BCL2L13: variants seen among roughly 807,000 people sequenced by gnomAD.
BCL2L13 encodes the protein BCL2 like 13, also known as bcl-2-like protein 13.
In BCL2L13, 13 loss-of-function variants were observed where a neutral mutation model predicts 25.8. The observed-to-expected ratio is 0.50, with a 90% CI of 0.33 to 0.80. The LOEUF is 0.80. BCL2L13 is among the 30% of genes least tolerant of loss of function. The pLI is 0.02. For synonymous variants in BCL2L13, 244 were observed against 230.3 expected, an observed-to-expected ratio of 1.06 and a Z score of -0.54; for missense variants, 504 against 574.9, an observed-to-expected ratio of 0.88 and a Z score of 1.26.
chr22:17,713,429 A>G (rs1204851964), intron 6 of BCL2L13, among the ~76,000 whole-genome samples: 1 of 151,918 alleles, frequency 6.6e-6, no homozygotes, highest in African/African-American at 2.4e-5. Flanking sequence ...GGCACATTCC[A>G]ATAAATAAAC....
chr22:17,710,602 AAAAT>A (rs2060724913), intron 6 of BCL2L13, among the ~76,000 whole-genome samples: 1 of 151,348 alleles, frequency 6.6e-6, no homozygotes, highest in Non-Finnish European at 1.5e-5. Context: ...ATAAAAATAA[AAAAT>A]AAATAAATGC....
At chr22:17,726,620 G>GT in intron 6 of BCL2L13, 57 bp from the exon 7 acceptor site, 1 of 1,549,322 alleles carries the variant, frequency 6.5e-7, no homozygotes, top group Non-Finnish European at 8.7e-7. Flanking sequence ...CCAGATTGAT[G>GT]TTTATGTTTT....
In BCL2L13 at chr22:17,638,777, C is replaced by CGGT; in HGVS notation, c.-159_-157dup. The CGGT allele has an allele frequency of 8.1e-7, 1 of 1,231,688 alleles. No individual in the cohort carries two copies. Among genetic ancestry groups the CGGT allele is most frequent in the Non-Finnish European group, 1.0e-6 (1 of 987,948 alleles). The allele number at this position is 1,231,688 out of a possible 1,614,324, so 76.3% of individuals were successfully genotyped here. A position where few individuals can be genotyped will look rare whatever the true frequency, so the allele number is the denominator to read the frequency against. On this transcript the variant is annotated 5_prime_UTR_variant, in exon 1 of 7. Transcript: ENST00000317582. ...ACCTCACCCTCCAACATGGCGGCGG[C>CGGT]GGTAGATTAGGGCCGCGGGTCGGAG...
intron 1 of BCL2L13, among the ~76,000 whole-genome samples, chr22:17,644,198 C>G (rs2058391306): frequency 1.3e-5 from 2 of 151,418 alleles, no homozygotes; most frequent in African/African-American, 4.9e-5. Flanking sequence ...GCATGAGCAA[C>G]TTTGCCTGGT....
At position 17,680,960 on chromosome 22, in the gene BCL2L13, G is replaced by A. The variant is rs573415118; in HGVS notation, c.122-2254G>A. Among the ~76,000 whole-genome samples the A allele has an allele frequency of 1.3e-4, 20 of 152,134 alleles. No homozygotes were observed. The South Asian group carries it at 4.1e-3, about 32-fold the overall frequency. On this transcript the variant is annotated intron_variant, in intron 2 of 6. Transcript: ENST00000317582. ...TGGGATGGCGCTGTAGGGTGTGGCG[G>A]TCACTGAGAACGTATGGAAAAACAC... is the stretch of plus-strand genomic sequence containing the variant.
At chr22:17,715,336 C>T (rs1208901757) in intron 6 of BCL2L13, among the ~76,000 whole-genome samples, 1 of 149,262 alleles carries the variant, frequency 6.7e-6, no homozygotes, top group East Asian at 2.0e-4. Flanking sequence ...CATGCGCAAC[C>T]ACTCCCGGCC....
chr22:17,640,353 G>A (rs1328921192), intron 1 of BCL2L13, among the ~76,000 whole-genome samples: 1 of 152,058 alleles, frequency 6.6e-6, no homozygotes, highest in South Asian at 2.1e-4. Flanking sequence ...AGTATATTCA[G>A]TAGTTGGATT....
At position 17,638,817 on chromosome 22, in the gene BCL2L13, G is replaced by A. The variant is rs2058160089; in HGVS notation, c.-120G>A. The A allele has an allele frequency of 8.1e-7, 1 of 1,232,020 alleles. No individual in the cohort carries two copies. The highest frequency in any genetic ancestry group is 3.2e-5 in the East Asian group (1 of 31,706). 76.3% of individuals were successfully genotyped at this position (1,232,020 alleles called of 1,614,324 possible). ...GCGGGTCGGAGCACTCACCGCCGCT[G>A]GGGGACCCTGTCGGAAGCAACTGCC... On this transcript the variant is annotated 5_prime_UTR_variant, in exon 1 of 7. Coordinates refer to ENST00000317582, the MANE Select transcript of BCL2L13 (RefSeq NM_015367.4).
chr22:17,654,799 G>A (rs949659206), intron 1 of BCL2L13, among the ~76,000 whole-genome samples: 3 of 151,876 alleles, frequency 2.0e-5, no homozygotes, highest in Non-Finnish European at 1.5e-5. Flanking sequence ...ATAACTCACT[G>A]CAGTCTTGAC....
intron 1 of BCL2L13, 55 bp from the exon 2 acceptor site, chr22:17,655,607 G>A: frequency 7.1e-7 from 1 of 1,401,232 alleles, no homozygotes; most frequent in Non-Finnish European, 9.6e-7. Flanking sequence ...TGAAACAACT[G>A]TTAAAGTGGC....
At chr22:17,716,200 A>G (rs776676130) in intron 6 of BCL2L13, among the ~76,000 whole-genome samples, 12 of 152,222 alleles carry the variant, frequency 7.9e-5, no homozygotes, top group African/African-American at 1.9e-4. Flanking sequence ...GATTAAGTAC[A>G]GTGGAACTTA....
At chr22:17,634,691 C>G (rs554527025), upstream of BCL2L13, among the ~76,000 whole-genome samples, 62 of 152,230 alleles carry the variant, frequency 4.1e-4, no homozygotes, top group African/African-American at 1.4e-3. Context: ...ACCTGTAATC[C>G]TAGCACTTTG....
chr22:17,641,220 T>G (rs916455820), intron 1 of BCL2L13, among the ~76,000 whole-genome samples: 1 of 152,202 alleles, frequency 6.6e-6, no homozygotes, highest in Non-Finnish European at 1.5e-5. Flanking sequence ...TGTGAAATAC[T>G]TCAGGCATAC....
chr22:17,725,193 T>C (rs1432215497), intron 6 of BCL2L13, among the ~76,000 whole-genome samples: 2 of 152,356 alleles, frequency 1.3e-5, no homozygotes, highest in African/African-American at 2.4e-5. Flanking sequence ...AAAGCAAAGC[T>C]CTGATTATAA....
chr22:17,715,517 A>G (rs1569008671), intron 6 of BCL2L13, among the ~76,000 whole-genome samples: 1 of 152,078 alleles, frequency 6.6e-6, no homozygotes. Flanking sequence ...TTATATTAAT[A>G]TAATAAAATA....
intron 6 of BCL2L13, among the ~76,000 whole-genome samples, chr22:17,706,221 G>A (rs1025215975): frequency 6.6e-6 from 1 of 152,048 alleles, no homozygotes; most frequent in Non-Finnish European, 1.5e-5. Context: ...TGTTGCCCAA[G>A]CTGGTCTCAA....
chr22:17,721,060 G>A (rs913004997), intron 6 of BCL2L13, among the ~76,000 whole-genome samples: 23 of 151,216 alleles, frequency 1.5e-4, no homozygotes, highest in African/African-American at 5.1e-4. Flanking sequence ...CCAGCTACTC[G>A]GGGGGAGGCT....
intron 4 of BCL2L13, among the ~76,000 whole-genome samples, chr22:17,695,422 A>G (rs921078111): frequency 6.6e-6 from 1 of 152,096 alleles, no homozygotes; most frequent in Non-Finnish European, 1.5e-5. Flanking sequence ...CCCTGGTTCA[A>G]GCGATTCCCC....
chr22:17,691,594 C>T (rs2060106676), intron 4 of BCL2L13, among the ~76,000 whole-genome samples: 2 of 151,972 alleles, frequency 1.3e-5, no homozygotes, highest in South Asian at 4.2e-4. Context: ...TGCAGTGAGC[C>T]GAGATTGCAC....
Sources: allele counts gnomAD v4.1 joint callset (sites outside exome capture counted in the v4.1 genomes callset), GRCh38; gene constraint gnomAD v4.1.1; transcripts MANE v1.5; gene names NCBI Gene and HGNC (gene_info 2026-07-23, HGNC 2026-07-21).